The following SORCS2 variants were observed in gnomAD, a reference collection of about 807,000 sequenced individuals.
The protein encoded by SORCS2 is sortilin related VPS10 domain containing receptor 2, also known as VPS10 domain-containing receptor SorCS2.
In SORCS2, 100 loss-of-function variants were observed where a neutral mutation model predicts 141.6. The ratio of observed to expected loss-of-function variants is 0.71; its 90% CI spans 0.60 to 0.83. The LOEUF (loss-of-function observed/expected upper bound fraction) is 0.83. Ranked by LOEUF, SORCS2 falls within the 40% of genes least tolerant of loss-of-function variation. The pLI, the probability that SORCS2 is intolerant of heterozygous loss-of-function variation, is 0.00. For synonymous variants in SORCS2, 789 were observed against 676.9 expected, an observed-to-expected ratio of 1.17 and a Z score of -2.57; for missense variants, 1,646 against 1,560.2, an observed-to-expected ratio of 1.05 and a Z score of -0.93.
chr4:7,606,228 T>A (rs753008919), intron 3 of SORCS2, among the ~76,000 whole-genome samples: 1 of 152,192 alleles, frequency 6.6e-6, no homozygotes, highest in Non-Finnish European at 1.5e-5. Context: ...GTTATTGCAG[T>A]GAGGAGCTCC....
chr4:7,472,918 T>TAA lies in SORCS2; in HGVS notation c.549-58602_549-58601dup, dbSNP rs71175405. Among the ~76,000 whole-genome samples, 634 of 147,058 alleles carry TAA rather than the reference T, an allele frequency of 4.3e-3. 4 individuals are homozygous for TAA. Among genetic ancestry groups the TAA allele is most frequent in the South Asian group, 0.019 (89 of 4,628 alleles). On this transcript the variant is annotated intron_variant, in intron 2 of 26. Transcript: ENST00000507866. ...GTGGATGGGGCCAAAGTGTTCATCA[T>TAA]AAAAAAAAAAACAAAATAGCCCTGG...
intron 2 of SORCS2, among the ~76,000 whole-genome samples, chr4:7,456,062 T>C (rs1485522022): frequency 1.3e-5 from 2 of 152,172 alleles, no homozygotes; most frequent in East Asian, 1.9e-4. Context: ...GGCTTGCAGA[T>C]GGCCGCTATC....
intron 3 of SORCS2, among the ~76,000 whole-genome samples, chr4:7,623,521 T>A (rs760736107): frequency 3.2e-4 from 49 of 152,082 alleles, no homozygotes; most frequent in Admixed American, 1.3e-4. Flanking sequence ...TTTCCCCCAA[T>A]GCCCAAGGTA....
At chr4:7,336,760 A>C (rs1720013430) in intron 1 of SORCS2, among the ~76,000 whole-genome samples, 1 of 152,020 alleles carries the variant, frequency 6.6e-6, no homozygotes. Flanking sequence ...GCCCAGACGC[A>C]ATCCCTGAGC....
intron 15 of SORCS2, 82 bp from the exon 16 acceptor site, chr4:7,714,158 T>C: frequency 1.3e-6 from 2 of 1,509,074 alleles, no homozygotes; most frequent in South Asian, 1.3e-5. Flanking sequence ...ATCTTCAGGC[T>C]CTGGCAGCCT....
At chr4:7,481,827 G>T (rs1037238427) in intron 2 of SORCS2, among the ~76,000 whole-genome samples, 4 of 152,112 alleles carry the variant, frequency 2.6e-5, no homozygotes, top group Non-Finnish European at 5.9e-5. Flanking sequence ...GAGAGAGAAC[G>T]CTGGCAACGG....
At chr4:7,652,975 C>G (rs911151684) in intron 4 of SORCS2, among the ~76,000 whole-genome samples, 3 of 152,150 alleles carry the variant, frequency 2.0e-5, no homozygotes, top group Non-Finnish European at 4.4e-5. Context: ...ATTGTGCTCC[C>G]TGGCCCACAG....
intron 15 of SORCS2, 31 bp downstream of exon 15, chr4:7,712,884 G>T (rs779450957): frequency 6.2e-6 from 10 of 1,611,280 alleles, no homozygotes; most frequent in Admixed American, 1.7e-5. Flanking sequence ...GATCGGGCAG[G>T]TGGGGTACAG....
At chr4:7,292,181 C>G (rs1040498223) in intron 1 of SORCS2, among the ~76,000 whole-genome samples, 3 of 151,376 alleles carry the variant, frequency 2.0e-5, no homozygotes, top group Non-Finnish European at 3.0e-5. Context: ...GAGGCTCCCC[C>G]CACCATTGAC....
At chr4:7,259,423 T>C (rs1055035934) in intron 1 of SORCS2, among the ~76,000 whole-genome samples, 2 of 152,230 alleles carry the variant, frequency 1.3e-5, no homozygotes, top group Non-Finnish European at 2.9e-5. Context: ...GGTTGTACTC[T>C]GTACTCGTAG....
At chr4:7,590,945 G>A (rs1560409895) in intron 3 of SORCS2, among the ~76,000 whole-genome samples, 2 of 152,206 alleles carry the variant, frequency 1.3e-5, no homozygotes, top group Admixed American at 6.5e-5. Flanking sequence ...TCCTTAAAAT[G>A]TAGAAAATAT....
chr4:7,644,951 C>T (rs78079424), intron 4 of SORCS2, among the ~76,000 whole-genome samples: 3,547 of 152,202 alleles, frequency 0.023, 147 homozygotes, highest in African/African-American at 0.081. Context: ...CAGAAATGTT[C>T]TATTTCTGCA....
At chr4:7,685,729 G>A (rs181073001) in intron 10 of SORCS2, among the ~76,000 whole-genome samples, 1 of 151,498 alleles carries the variant, frequency 6.6e-6, no homozygotes, top group Non-Finnish European at 1.5e-5. Context: ...AGAAGGCCTG[G>A]GCTATCCTGT....
chr4:7,271,072 T>G (rs1408843314), intron 1 of SORCS2, among the ~76,000 whole-genome samples: 1 of 152,226 alleles, frequency 6.6e-6, no homozygotes, highest in African/African-American at 2.4e-5. Flanking sequence ...CCCCAAGCGA[T>G]GAGGCTACTG....
rs1400360050 is a variant in SORCS2, at chr4:7,508,419, T to TGGC, written c.549-23110_549-23108dup. 4.1e-5 allele frequency among the ~76,000 whole-genome samples: 6 copies of TGGC among 148,038 alleles called. No homozygotes were observed. The East Asian group carries it at 1.2e-3, about 31-fold the overall frequency. ...ATGCTGGAGTACAGTGGCATGATCT[T>TGGC]GGCTCACTGCAACCTCCACCTCCCG... On this transcript the variant is annotated intron_variant, in intron 2 of 26. Coordinates refer to ENST00000507866, the MANE Select transcript of SORCS2 (RefSeq NM_020777.3).
intron 2 of SORCS2, among the ~76,000 whole-genome samples, chr4:7,519,566 G>A (rs991671032): frequency 2.0e-5 from 3 of 152,218 alleles, no homozygotes; most frequent in Non-Finnish European, 4.4e-5. Flanking sequence ...CCACGGTGAA[G>A]CTGTGTCTGC....
chr4:7,374,166 T>TCTTTCTTC (rs1722473238), intron 1 of SORCS2, among the ~76,000 whole-genome samples: 22 of 146,444 alleles, frequency 1.5e-4, no homozygotes, highest in African/African-American at 5.0e-4. Flanking sequence ...TTTCTTTCTT[T>TCTTTCTTC]CTTTCTTTCT....
chr4:7,314,759 C>T (rs541675398), intron 1 of SORCS2, among the ~76,000 whole-genome samples: 1 of 150,362 alleles, frequency 6.7e-6, no homozygotes, highest in Non-Finnish European at 1.5e-5. Flanking sequence ...GTGTGAAGAC[C>T]CAGGGCATAG....
intron 3 of SORCS2, among the ~76,000 whole-genome samples, chr4:7,580,308 C>G (rs964916823): frequency 1.3e-5 from 2 of 151,914 alleles, no homozygotes; most frequent in East Asian, 3.9e-4. Flanking sequence ...GTGGTGAAAC[C>G]CCATCTCTAC....
Sources: allele counts gnomAD v4.1 joint callset (sites outside exome capture counted in the v4.1 genomes callset), GRCh38; gene constraint gnomAD v4.1.1; transcripts MANE v1.5; gene names NCBI Gene and HGNC (gene_info 2026-07-23, HGNC 2026-07-21).